The following SWI5 variants were observed in gnomAD, a reference collection of about 807,000 sequenced individuals.
The protein encoded by SWI5 is SWI5 homologous recombination repair protein.
A neutral mutation model predicts 17.0 loss-of-function variants in SWI5; 12 were observed. That is an observed-to-expected ratio of 0.71 (90% CI 0.45 to 1.14). The LOEUF (loss-of-function observed/expected upper bound fraction) is 1.14, where lower values mean the gene tolerates loss of function less well. Among genes scored for constraint, SWI5 ranks in the 50% most tolerant of loss-of-function variants. The pLI is 0.00. For missense variants in SWI5, 158 were observed against 162.2 expected (o/e 0.97, Z 0.14); for synonymous variants, 61 against 64.0 (o/e 0.95, Z 0.22).
intron 1 of SWI5, 72 bp downstream of exon 1, chr9:128,276,474 G>A: frequency 6.3e-7 from 1 of 1,584,650 alleles, no homozygotes; most frequent in Non-Finnish European, 8.6e-7. Flanking sequence ...TCCCTTCCCA[G>A]AAATCACCTC....
chr9:128,286,823 G>A (rs1831647363), intron 4 of SWI5, among the ~76,000 whole-genome samples: 1 of 152,080 alleles, frequency 6.6e-6, no homozygotes, highest in Admixed American at 6.6e-5. Context: ...GAAGATGGGG[G>A]TGTGAGGGGA....
intron 3 of SWI5, 60 bp downstream of exon 3, chr9:128,284,691 C>A: frequency 6.3e-7 from 1 of 1,578,872 alleles, no homozygotes; most frequent in East Asian, 2.3e-5. Context: ...CATAGTGGTT[C>A]ACGCCTGTAA....
At position 128,284,644 on chromosome 9, in the gene SWI5, G is replaced by A; in HGVS notation, c.233+13G>A. 1 of 1,612,114 alleles carries A rather than the reference G, an allele frequency of 6.2e-7. No homozygotes were observed. The highest frequency in any genetic ancestry group is 8.5e-7 in the Non-Finnish European group (1 of 1,178,844). On this transcript the variant is annotated intron_variant, in intron 3 of 4. Coordinates refer to ENST00000418976, the Ensembl canonical transcript of SWI5. Reference sequence around the variant, plus strand: ...AGTTCGTATCTGAGTAAGTTTCATTGGGTTCCCCATCATGGTTAAGATAAC... The same window carrying A: ...AGTTCGTATCTGAGTAAGTTTCATTAGGTTCCCCATCATGGTTAAGATAAC...
Position 128,276,258 on chromosome 9 carries a change from C to T in SWI5, c.-83C>T, listed in dbSNP as rs1456976044. On this transcript the variant is annotated 5_prime_UTR_variant, in exon 1 of 5. Coordinates refer to ENST00000418976, the Ensembl canonical transcript of SWI5. The stretch of plus-strand genomic sequence containing the variant: ...GGGGCCGGCTTTCCTTGGGTGCGCG[C>T]GCAGCTTTCTGTGCGCCAGTTCACA... The T allele has an allele frequency of 6.2e-7, 1 of 1,612,682 alleles. No individual in the cohort carries two copies. Among genetic ancestry groups the T allele is most frequent in the Non-Finnish European group, 8.5e-7 (1 of 1,179,524 alleles).
chr9:128,281,133 G>C (rs555074358), intron 2 of SWI5, among the ~76,000 whole-genome samples: 1 of 140,800 alleles, frequency 7.1e-6, no homozygotes, highest in African/African-American at 2.6e-5. Flanking sequence ...CACCTCCCAG[G>C]TTCAAGGGAT....
chr9:128,276,791 C>T, intron 2 of SWI5, 36 bp downstream of exon 2: 2 of 1,577,640 alleles, frequency 1.3e-6, no homozygotes, highest in Non-Finnish European at 1.7e-6. Flanking sequence ...CTTTCCCATC[C>T]TCGACCTTCC....
intron 3 of SWI5, among the ~76,000 whole-genome samples, chr9:128,284,956 TA>T (rs570065202): frequency 0.011 from 941 of 84,972 alleles, 11 homozygotes; most frequent in African/African-American, 0.037. Flanking sequence ...AATCTGTCTT[TA>T]AAAAAAAAAA....
At chr9:128,288,799 C>A in exon 5 of SWI5, 2 of 1,476,378 alleles carry the variant, frequency 1.4e-6, no homozygotes, top group Non-Finnish European at 1.9e-6. Context: ...ACCAGCACAC[C>A]TACAGAGTTT....
In SWI5 at chr9:128,285,846, C is replaced by A; in HGVS notation, c.234-93C>A. ...CCCTAGTACCTATCACCGAGTAGGC[C>A]ATTACAGATGCCTTATTACTATCTG... On this transcript the variant is annotated intron_variant, in intron 3 of 4. Transcript: ENST00000418976. The surrounding 1 kb of genome is among the most constrained non-coding windows in gnomAD (Gnocchi z 4.8). 2 of 815,948 alleles carry A rather than the reference C, an allele frequency of 2.5e-6. No homozygotes were observed. The highest frequency in any genetic ancestry group is 1.5e-5 in the South Asian group (1 of 66,888). 50.5% of individuals were successfully genotyped at this position (815,948 alleles called of 1,614,324 possible).
chr9:128,276,811 T>G, intron 2 of SWI5, 56 bp downstream of exon 2: 22 of 1,518,966 alleles, frequency 1.4e-5, no homozygotes, highest in Non-Finnish European at 1.9e-5. Context: ...CCTTGTGCGC[T>G]CCCGGCCCCA....
rs1831619263 is a variant in SWI5 at position 128,285,278 on chromosome 9, A to AAAGGAAGGAAGGAAGGAAAGG, written c.234-649_234-629dup. ...GGAAGGAAAGGGAAGGAAGGAAGGG[A>AAAGGAAGGAAGGAAGGAAAGG]AAGGAAGGAAGGAAGGAAAGGAAGG... On this transcript the variant is annotated intron_variant, in intron 3 of 4. Coordinates refer to ENST00000418976, the Ensembl canonical transcript of SWI5. This position sits in a 1 kb window ranked among gnomAD's most constrained non-coding sequence, Gnocchi z 4.8. Among the ~76,000 whole-genome samples, 2 of 150,878 alleles carry AAAGGAAGGAAGGAAGGAAAGG rather than the reference A, an allele frequency of 1.3e-5. No individual in the cohort carries two copies. The highest frequency in any genetic ancestry group is 3.0e-5 in the Non-Finnish European group (2 of 67,586).
At chr9:128,279,654 T>A (rs1831502188) in intron 2 of SWI5, among the ~76,000 whole-genome samples, 1 of 152,166 alleles carries the variant, frequency 6.6e-6, no homozygotes, top group Non-Finnish European at 1.5e-5. Context: ...GGAAGGAACA[T>A]AAAAGTGGAC....
Position 128,288,044 on chromosome 9 carries a change from TG to T in SWI5, c.329-607del, listed in dbSNP as rs553756835. Among the ~76,000 whole-genome samples, 645 of 151,940 alleles carry T rather than the reference TG, an allele frequency of 4.2e-3. 4 individuals carry two copies. The highest frequency in any genetic ancestry group is 0.015 in the African/African-American group (623 of 41,414). On this transcript the variant is annotated intron_variant, in intron 4 of 4. Coordinates refer to ENST00000418976, the Ensembl canonical transcript of SWI5. ...GTGGACTCAGCAGTTAATTACAAAA[TG>T]TGTTAGGTGCTATGAAGGCGACAAA... is the stretch of plus-strand genomic sequence containing the variant.
At chr9:128,278,043 C>A (rs1169634500) in intron 2 of SWI5, among the ~76,000 whole-genome samples, 1 of 151,034 alleles carries the variant, frequency 6.6e-6, no homozygotes. Context: ...ACCTCTGCCT[C>A]CCAGGCCCAA....
At chr9:128,288,342 G>A (rs945897273) in intron 4 of SWI5, among the ~76,000 whole-genome samples, 2 of 152,208 alleles carry the variant, frequency 1.3e-5, no homozygotes, top group African/African-American at 2.4e-5. Flanking sequence ...GAATGGAATC[G>A]AGGAAGCTCT....
At chr9:128,284,392 T>G in intron 2 of SWI5, 118 bp from the exon 3 acceptor site, 5 of 1,198,226 alleles carry the variant, frequency 4.2e-6, no homozygotes, top group Non-Finnish European at 4.6e-6. Context: ...TGCAGTCTTA[T>G]TGAGGGGGTT....
intron 3 of SWI5, among the ~76,000 whole-genome samples, chr9:128,284,956 TAAAAAAAAAAAA>T (rs570065202): frequency 5.9e-5 from 5 of 84,970 alleles, no homozygotes; most frequent in African/African-American, 5.1e-5. Context: ...AATCTGTCTT[TAAAAAAAAAAAA>T]AAAAAAAAAA....
intron 2 of SWI5, among the ~76,000 whole-genome samples, chr9:128,279,261 A>T (rs767748004): frequency 6.6e-6 from 1 of 152,114 alleles, no homozygotes; most frequent in Non-Finnish European, 1.5e-5. Flanking sequence ...CGTTCTCCCC[A>T]TGTGCGGAGA....
At chr9:128,281,247 A>C (rs1831534099) in intron 2 of SWI5, among the ~76,000 whole-genome samples, 1 of 151,850 alleles carries the variant, frequency 6.6e-6, no homozygotes. Flanking sequence ...TATGTTGGCC[A>C]GGCTGGTCTC....
Sources: allele counts gnomAD v4.1 joint callset (sites outside exome capture counted in the v4.1 genomes callset), GRCh38; gene constraint gnomAD v4.1.1; non-coding constraint Gnocchi (gnomAD v3.1); transcripts MANE v1.5; gene names NCBI Gene and HGNC (gene_info 2026-07-23, HGNC 2026-07-21).